Variants in RBFOX1 observed in about 807,000 individuals in gnomAD.
RBFOX1 encodes the protein RNA binding protein fox-1 homolog 1.
A neutral mutation model predicts 57.7 loss-of-function variants in RBFOX1; 8 were observed. The observed-to-expected ratio is 0.14, with a 90% CI of 0.08 to 0.25. RBFOX1 has a LOEUF of 0.25. Among genes scored for constraint, RBFOX1 ranks in the 10% least tolerant of loss-of-function variants. The pLI is 1.00. For missense variants in RBFOX1, 611 were observed against 548.5 expected, an observed-to-expected ratio of 1.11 and a Z score of -1.14; for synonymous variants, 326 against 222.4, an observed-to-expected ratio of 1.47 and a Z score of -4.15.
intron 3 of RBFOX1, among the ~76,000 whole-genome samples, chr16:5,628,568 A>G (rs559800389): frequency 4.6e-5 from 7 of 152,186 alleles, no homozygotes; most frequent in African/African-American, 9.7e-5. Flanking sequence ...TAAAGTCTGA[A>G]CTGCTGAACT....
chr16:5,429,704 A>G (rs2067671617), intron 1 of RBFOX1, among the ~76,000 whole-genome samples: 1 of 152,164 alleles, frequency 6.6e-6, no homozygotes, highest in Non-Finnish European at 1.5e-5. Flanking sequence ...CCCTCCTTCA[A>G]AACCGTCTCA....
At chr16:6,400,611 T>G (rs1161254478) in intron 2 of RBFOX1, among the ~76,000 whole-genome samples, 1 of 152,222 alleles carries the variant, frequency 6.6e-6, no homozygotes, top group Non-Finnish European at 1.5e-5. Flanking sequence ...AGGCTGGGCC[T>G]TGTAGCTCAT....
chr16:7,182,644 A>G (rs568777234), intron 4 of RBFOX1, among the ~76,000 whole-genome samples: 2 of 152,324 alleles, frequency 1.3e-5, no homozygotes, highest in African/African-American at 4.8e-5. Context: ...CATAGATTCC[A>G]GAGGATTCCA....
chr16:6,865,875 A>G (rs1381197529), intron 3 of RBFOX1, among the ~76,000 whole-genome samples: 1 of 152,152 alleles, frequency 6.6e-6, no homozygotes, highest in Admixed American at 6.5e-5. Context: ...CTTCCTGACA[A>G]GTCTTTTGCC....
At chr16:6,697,282 A>T (rs996042169) in intron 3 of RBFOX1, among the ~76,000 whole-genome samples, 2 of 152,108 alleles carry the variant, frequency 1.3e-5, no homozygotes, top group African/African-American at 4.8e-5. Context: ...GTCCTTTTCC[A>T]CCCACTGTAG....
chr16:5,932,891 T>G (rs972771463), intron 4 of RBFOX1, among the ~76,000 whole-genome samples: 3 of 152,162 alleles, frequency 2.0e-5, no homozygotes, highest in African/African-American at 7.2e-5. Context: ...GCCAAGCCAT[T>G]TGGTCCATTT....
intron 3 of RBFOX1, among the ~76,000 whole-genome samples, chr16:5,829,839 C>T (rs2056201315): frequency 6.6e-6 from 1 of 152,128 alleles, no homozygotes; most frequent in African/African-American, 2.4e-5. Context: ...TTGGAAAAGC[C>T]CTCAGTCATT....
chr16:7,437,200 A>G (rs957294730), intron 4 of RBFOX1, among the ~76,000 whole-genome samples: 16 of 152,146 alleles, frequency 1.1e-4, no homozygotes, highest in African/African-American at 3.9e-4. Flanking sequence ...CAAGTTCACA[A>G]TCACAAACAA....
chr16:5,599,239 G>T (rs576120037), exon 3 of RBFOX1: 1 of 683,992 alleles, frequency 1.5e-6, no homozygotes, highest in African/African-American at 1.8e-5. Context: ...CCGGGGCACA[G>T]TGGTTGGTGA....
intron 4 of RBFOX1, among the ~76,000 whole-genome samples, chr16:5,992,242 C>A (rs912022012): frequency 3.3e-5 from 5 of 152,006 alleles, no homozygotes; most frequent in African/African-American, 1.2e-4. Context: ...TTTTCAAGTT[C>A]TTTAGAAGAT....
At chr16:7,595,376 A>T (rs2094633824) in intron 7 of RBFOX1, among the ~76,000 whole-genome samples, 173 bp from the exon 8 acceptor site, 1 of 152,180 alleles carries the variant, frequency 6.6e-6, no homozygotes, top group Non-Finnish European at 1.5e-5. Context: ...TCTTGTTCAC[A>T]TTTGTCGCTT....
chr16:7,370,965 GC>G (rs918509003), intron 4 of RBFOX1, among the ~76,000 whole-genome samples: 2 of 152,154 alleles, frequency 1.3e-5, no homozygotes, highest in African/African-American at 4.8e-5. Context: ...CAGAAGCAAA[GC>G]CCCAATCAGG....
rs567345304 is a variant in RBFOX1, at chr16:5,505,928, A to T, written c.258+38674A>T. ...TCTCACCCTTCCATCCCTGCTCAAA[A>T]TCTCTCTGCTATAGACTTTTTCTCA... On this transcript the variant is annotated intron_variant, in intron 2 of 2. Coordinates refer to the RBFOX1 transcript ENST00000585867. 3.9e-5 allele frequency among the ~76,000 whole-genome samples: 6 copies of T among 151,972 alleles called. No individual in the cohort carries two copies. In the East Asian group the frequency reaches 1.2e-3, roughly 30 times the overall value.
Position 7,566,872 on chromosome 16 carries a change from G to C in RBFOX1, c.271-12905G>C, listed in dbSNP as rs181352404. ...TTCTGAAATCGTATGCAAAATTTAG[G>C]TGTATGTGTATTTTCCCCCCAAAAG... On this transcript the variant is annotated intron_variant, in intron 5 of 15. Coordinates refer to ENST00000550418, the MANE Select transcript of RBFOX1 (RefSeq NM_018723.4). Among the ~76,000 whole-genome samples, 1,074 of 151,996 alleles carry C rather than the reference G, an allele frequency of 7.1e-3. 13 individuals carry two copies. The highest frequency in any genetic ancestry group is 0.025 in the African/African-American group (1,033 of 41,386).
intron 3 of RBFOX1, among the ~76,000 whole-genome samples, chr16:6,937,781 C>T (rs1307528544): frequency 1.3e-5 from 2 of 151,940 alleles, no homozygotes; most frequent in South Asian, 2.1e-4. Context: ...ATGTAGCCTC[C>T]AGGTAGCAGG....
chr16:6,113,074 C>T (rs2096463053), intron 1 of RBFOX1, among the ~76,000 whole-genome samples: 1 of 152,152 alleles, frequency 6.6e-6, no homozygotes, highest in South Asian at 2.1e-4. Flanking sequence ...TTGCTTACTC[C>T]TGAGTCTGTG....
At chr16:6,018,206 G>A (rs1264426787), upstream of RBFOX1, among the ~76,000 whole-genome samples, 6 of 151,912 alleles carry the variant, frequency 3.9e-5, no homozygotes, top group Non-Finnish European at 4.4e-5. Context: ...GAAAGGGAGG[G>A]AGGAAGGAAG....
At chr16:7,023,100 C>G (rs1489210801) in intron 3 of RBFOX1, among the ~76,000 whole-genome samples, 3 of 152,060 alleles carry the variant, frequency 2.0e-5, no homozygotes, top group Non-Finnish European at 4.4e-5. Flanking sequence ...TGCAAAGGCA[C>G]TGAGGTAGGA....
intron 2 of RBFOX1, among the ~76,000 whole-genome samples, chr16:6,645,202 A>G (rs562040298): frequency 2.6e-5 from 4 of 152,166 alleles, no homozygotes; most frequent in Non-Finnish European, 2.9e-5. Context: ...TTTAGAACCC[A>G]CCCAGATAAT....
Sources: allele counts gnomAD v4.1 joint callset (sites outside exome capture counted in the v4.1 genomes callset), GRCh38; gene constraint gnomAD v4.1.1; transcripts MANE v1.5; gene names NCBI Gene and HGNC (gene_info 2026-07-23, HGNC 2026-07-21).